The following SLAMF1 variants were observed in gnomAD, a reference collection of about 807,000 sequenced individuals.
SLAMF1 encodes signaling lymphocytic activation molecule.
Under a neutral mutation model 35.1 loss-of-function variants are expected in SLAMF1, and 18 were observed. The ratio of observed to expected loss-of-function variants is 0.51; its 90% CI spans 0.35 to 0.76. SLAMF1 has a LOEUF of 0.76. SLAMF1 is among the 30% of genes least tolerant of loss of function. The pLI is 0.01. For synonymous variants in SLAMF1, 168 were observed against 157.2 expected (o/e 1.07, Z -0.51); for missense variants, 392 against 413.0 (o/e 0.95, Z 0.44).
intron 5 of SLAMF1, among the ~76,000 whole-genome samples, chr1:160,615,053 T>G (rs1382347671): frequency 6.6e-6 from 1 of 152,172 alleles, no homozygotes; most frequent in African/African-American, 2.4e-5. Context: ...GTGATTTTCA[T>G]GTTATTATAT....
intron 1 of SLAMF1, among the ~76,000 whole-genome samples, chr1:160,643,148 C>T (rs1467079998): frequency 6.6e-6 from 1 of 152,098 alleles, no homozygotes; most frequent in African/African-American, 2.4e-5. Flanking sequence ...ATTTTCCCTA[C>T]CTATAAAAGA....
chr1:160,630,476 T>C (rs978288120), intron 3 of SLAMF1, among the ~76,000 whole-genome samples: 7 of 152,180 alleles, frequency 4.6e-5, no homozygotes, highest in African/African-American at 9.7e-5. Context: ...GAGGTTTTCA[T>C]TAATGAAAAT....
At chr1:160,636,673 C>T (rs534456398) in intron 2 of SLAMF1, among the ~76,000 whole-genome samples, 3 of 152,144 alleles carry the variant, frequency 2.0e-5, no homozygotes, top group African/African-American at 4.8e-5. Context: ...GATCTGGTGC[C>T]GGAATGCAGG....
intron 2 of SLAMF1, 116 bp downstream of exon 2, chr1:160,637,075 G>A (rs1660488784): frequency 5.8e-6 from 4 of 687,218 alleles, no homozygotes; most frequent in South Asian, 3.7e-5. Flanking sequence ...CAAACTAGAA[G>A]ATCATTCTAG....
intron 5 of SLAMF1, among the ~76,000 whole-genome samples, chr1:160,617,670 T>C (rs941002538): frequency 2.0e-5 from 3 of 152,082 alleles, no homozygotes; most frequent in African/African-American, 7.2e-5. Context: ...GTGGTTATCT[T>C]TGGGGAGGAG....
chr1:160,619,059 C>T (rs1362249380), intron 5 of SLAMF1, among the ~76,000 whole-genome samples: 1 of 152,210 alleles, frequency 6.6e-6, no homozygotes, highest in Non-Finnish European at 1.5e-5. Context: ...TTTACCTTCA[C>T]ATCCTTTACT....
chr1:160,627,660 A>G (rs1456561051), intron 3 of SLAMF1, among the ~76,000 whole-genome samples: 1 of 152,210 alleles, frequency 6.6e-6, no homozygotes, highest in Admixed American at 6.5e-5. Context: ...AAGTATGAAA[A>G]AAGTGCTACT....
chr1:160,617,083 G>C lies in SLAMF1; in HGVS notation c.864+2693C>G, dbSNP rs143447755. The stretch of plus-strand genomic sequence containing the variant: ...AGACAGGAGAATGGCTTGAACCCAG[G>C]AGGCGGAGGTTGCAGTAAGACAAGA... On this transcript the variant is annotated intron_variant, in intron 5 of 6. Coordinates refer to ENST00000302035, the MANE Select transcript of SLAMF1 (RefSeq NM_003037.5). Among the ~76,000 whole-genome samples the C allele has an allele frequency of 8.5e-5, 13 of 152,098 alleles. No homozygotes were observed. In the East Asian group the frequency reaches 2.5e-3, roughly 29 times the overall value.
At chr1:160,646,487 C>T (rs534711491) in intron 1 of SLAMF1, among the ~76,000 whole-genome samples, 3 of 152,200 alleles carry the variant, frequency 2.0e-5, no homozygotes, top group Admixed American at 2.0e-4. Context: ...CAAATCTTCT[C>T]CCAGAGCTCA....
At chr1:160,619,988 C>A (rs1185959968) in intron 4 of SLAMF1, 139 bp from the exon 5 acceptor site, 2 of 684,886 alleles carry the variant, frequency 2.9e-6, no homozygotes, top group East Asian at 2.6e-5. Flanking sequence ...TCCCAGCCCC[C>A]CTGCACATTT....
chr1:160,622,342 C>A (rs529773518), intron 4 of SLAMF1, among the ~76,000 whole-genome samples: 1 of 152,312 alleles, frequency 6.6e-6, no homozygotes, highest in African/African-American at 2.4e-5. Flanking sequence ...CACGTCATCT[C>A]AATGGGTCTT....
intron 3 of SLAMF1, among the ~76,000 whole-genome samples, chr1:160,626,292 G>T (rs1183648200): frequency 1.3e-5 from 2 of 152,150 alleles, no homozygotes; most frequent in Non-Finnish European, 2.9e-5. Context: ...TTGCTCTGCT[G>T]CCCACCAACT....
chr1:160,610,899 G>C (rs1658947249), intron 6 of SLAMF1, 101 bp from the exon 7 acceptor site: 2 of 942,878 alleles, frequency 2.1e-6, no homozygotes, highest in African/African-American at 3.2e-5. Flanking sequence ...GGGTCTTAGA[G>C]ATCATGGCTT....
intron 5 of SLAMF1, among the ~76,000 whole-genome samples, 157 bp from the exon 6 acceptor site, chr1:160,612,737 A>G (rs557185276): frequency 1.6e-4 from 25 of 152,206 alleles, no homozygotes; most frequent in African/African-American, 4.6e-4. Flanking sequence ...TTCTCCCCCA[A>G]ATTCTCTGGA....
intron 4 of SLAMF1, among the ~76,000 whole-genome samples, chr1:160,622,379 G>T (rs575837682): frequency 3.9e-5 from 6 of 152,088 alleles, no homozygotes; most frequent in Non-Finnish European, 8.8e-5. Context: ...GTAAAATGAG[G>T]GCATAGAGTA....
At chr1:160,638,020 G>A (rs745397532) in intron 1 of SLAMF1, among the ~76,000 whole-genome samples, 1 of 152,128 alleles carries the variant, frequency 6.6e-6, no homozygotes, top group Non-Finnish European at 1.5e-5. Flanking sequence ...GAGGAATGTG[G>A]AGTCAGGAAG....
chr1:160,621,384 C>A (rs1263625462), intron 4 of SLAMF1, among the ~76,000 whole-genome samples: 1 of 151,890 alleles, frequency 6.6e-6, no homozygotes. Context: ...CATGGGGAAA[C>A]CCTGTCTCTA....
rs765792747 is a variant in SLAMF1, at chr1:160,634,755, G to C, written c.558C>G (p.Asn186Lys). 8.1e-6 allele frequency: 13 copies of C among 1,614,054 alleles called. No homozygotes were observed. The highest frequency in any genetic ancestry group is 1.7e-5 in the Admixed American group (1 of 60,008). The change falls in exon 3 of 7, where the codon AAC becomes AAG. Residue 186 changes from asparagine to lysine, a missense_variant. Coordinates refer to ENST00000302035, the MANE Select transcript of SLAMF1 (RefSeq NM_003037.5). ...WSEKAGTHPLNPANSSHLLSL... is the reference protein window; with the variant it reads ...WSEKAGTHPLKPANSSHLLSL... ...ACAGGAGGTGGGAGCTGTTGGCTGG[G>C]TTCAGTGGGTGGGTGCCCGCCTTTT...
chr1:160,632,112 TGA>T (rs2102328035), intron 3 of SLAMF1, among the ~76,000 whole-genome samples: 1 of 152,218 alleles, frequency 6.6e-6, no homozygotes, highest in Non-Finnish European at 1.5e-5. Flanking sequence ...CCTCCAGAAC[TGA>T]GAGCCAATAC....
Sources: gnomAD v4.1 joint callset for allele counts (sites outside exome capture counted in the v4.1 genomes callset) on GRCh38, gnomAD v4.1.1 for gene constraint, MANE v1.5 for transcripts, NCBI Gene and HGNC (gene_info 2026-07-23, HGNC 2026-07-21) for gene names.